The following CMBL variants were observed in gnomAD, a reference collection of about 807,000 sequenced individuals.
CMBL encodes carboxymethylenebutenolidase homolog, also known as carboxymethylenebutenolidase homolog (Pseudomonas).
CMBL carries 17 observed loss-of-function variants against 28.7 expected under a neutral mutation model. That is an observed-to-expected ratio of 0.59 (90% CI 0.41 to 0.89). The LOEUF (loss-of-function observed/expected upper bound fraction) is 0.89, where lower values mean the gene tolerates loss of function less well. CMBL is among the 40% of genes least tolerant of loss of function. The probability of loss-of-function intolerance (pLI) is 0.00; values close to 1 mark genes in which losing one functional copy is unlikely to be tolerated. For synonymous variants in CMBL, 106 were observed against 101.6 expected, an observed-to-expected ratio of 1.04 and a Z score of -0.26; for missense variants, 310 against 298.5, an observed-to-expected ratio of 1.04 and a Z score of -0.28.
intron 1 of CMBL, among the ~76,000 whole-genome samples, chr5:10,294,773 T>C (rs1401004973): frequency 6.6e-6 from 1 of 152,180 alleles, no homozygotes; most frequent in African/African-American, 2.4e-5. Context: ...TGACAGATTG[T>C]ATCTGTGGGG....
chr5:10,293,086 C>T lies in CMBL; in HGVS notation c.-19-2305G>A, dbSNP rs575053297. 3.3e-5 allele frequency among the ~76,000 whole-genome samples: 5 copies of T among 152,306 alleles called. No homozygotes were observed. The East Asian group carries it at 9.6e-4, about 29-fold the overall frequency. Reference sequence around the variant, plus strand: ...TTACCATGTTACCATGAAAACACTACATAGCAAAACTTGATACAATCAATA... The same window carrying T: ...TTACCATGTTACCATGAAAACACTATATAGCAAAACTTGATACAATCAATA... On this transcript the variant is annotated intron_variant, in intron 1 of 5. Transcript: ENST00000296658.
In CMBL at chr5:10,290,710, T is replaced by C; in HGVS notation, c.53A>G (p.Tyr18Cys). The C allele has an allele frequency of 6.2e-7, 1 of 1,614,194 alleles. No homozygotes were observed. The highest frequency in any genetic ancestry group is 8.5e-7 in the Non-Finnish European group (1 of 1,180,026). ...CPCDIGHRLEYGGLGREVQVE... is the reference protein window; with the variant it reads ...CPCDIGHRLECGGLGREVQVE... ...TTGAACTTCACGGCCTAGCCCTCCA[T>C]ACTCAAGTCTGTGGCCAATGTCACA... is the stretch of plus-strand genomic sequence containing the variant. The change falls in exon 2 of 6, where the codon TAT becomes TGT. Residue 18 changes from tyrosine to cysteine, a missense_variant. Coordinates refer to ENST00000296658, the MANE Select transcript of CMBL (RefSeq NM_138809.4).
intron 1 of CMBL, among the ~76,000 whole-genome samples, chr5:10,300,629 G>A (rs1321880136): frequency 6.6e-6 from 1 of 151,544 alleles, no homozygotes; most frequent in Admixed American, 6.6e-5. Context: ...GGGAGACCCC[G>A]TCTCTACAAA....
chr5:10,286,355 A>G lies in CMBL; in HGVS notation c.465T>C (p.Tyr155=), dbSNP rs1348273543. The G allele has an allele frequency of 6.2e-7, 1 of 1,613,732 alleles. No individual in the cohort carries two copies. Among genetic ancestry groups the G allele is most frequent in the South Asian group, 1.1e-5 (1 of 90,982 alleles). Residue 155 remains tyrosine, a splice_region_variant and synonymous_variant, in exon 4 of 6, where the codon TAT becomes TAC. Coordinates refer to ENST00000296658, the MANE Select transcript of CMBL (RefSeq NM_138809.4). ...TAAAAATGCACAAGGCAGATTTACC[A>G]TAGACGGACACCCCTGCCCTGAATT... ...YSEFRAGVSV[Y]GIVKDSEDIY... is the part of the protein sequence containing the mutation.
In CMBL at chr5:10,278,753, G is replaced by A. The variant is rs553513232; in HGVS notation, c.*1700C>T. Among the ~76,000 whole-genome samples, 2 of 152,082 alleles carry A rather than the reference G, an allele frequency of 1.3e-5. No homozygotes were observed. The highest frequency in any genetic ancestry group is 2.1e-4 in the South Asian group (1 of 4,826). On this transcript the variant is annotated 3_prime_UTR_variant, in exon 6 of 6. Coordinates refer to ENST00000296658, the MANE Select transcript of CMBL (RefSeq NM_138809.4). ...CCCATCCTAACTTCTTTCCCGGTCAGGGCTCTCCGGGAGAGTGGCTGTCTC... is the reference window on the plus strand; with the variant it reads ...CCCATCCTAACTTCTTTCCCGGTCAAGGCTCTCCGGGAGAGTGGCTGTCTC...
At position 10,288,493 on chromosome 5, in the gene CMBL, A is replaced by T; in HGVS notation, c.252T>A (p.Pro84=). ...TAGACCAGTCGCCAGAGGGGTCCCA[A>T]GGCTCTTGCCCTACAAAGAAGTCTG... The part of the protein sequence containing the change: ...IVPDFFVGQE[P]WDPSGDWSIF... Residue 84 remains proline (P), a synonymous_variant, in exon 3 of 6, where the codon CCT becomes CCA. Coordinates refer to ENST00000296658, the MANE Select transcript of CMBL (RefSeq NM_138809.4). The T allele has an allele frequency of 1.9e-6, 3 of 1,614,018 alleles. No homozygotes were observed. The highest frequency in any genetic ancestry group is 2.5e-6 in the Non-Finnish European group (3 of 1,179,892).
intron 3 of CMBL, among the ~76,000 whole-genome samples, chr5:10,288,089 G>A (rs1402827721): frequency 6.8e-6 from 1 of 146,174 alleles, no homozygotes; most frequent in Non-Finnish European, 1.5e-5. Context: ...CCAACATGGT[G>A]AAACCCCGTC....
chr5:10,287,053 G>A (rs1359377902), intron 3 of CMBL, among the ~76,000 whole-genome samples: 1 of 152,180 alleles, frequency 6.6e-6, no homozygotes, highest in Non-Finnish European at 1.5e-5. Context: ...AATTTGGAAC[G>A]CCATCAGGAC....
rs1206499447 is a variant in CMBL, at chr5:10,280,416, T to A, written c.*37A>T. 2.0e-6 allele frequency: 3 copies of A among 1,489,270 alleles called. No homozygotes were observed. Among genetic ancestry groups the A allele is most frequent in the South Asian group, 2.7e-5 (2 of 73,164 alleles). The allele number at this position is 1,489,270 out of a possible 1,614,324, so 92.3% of individuals were successfully genotyped here. On this transcript the variant is annotated 3_prime_UTR_variant, in exon 6 of 6. Coordinates refer to ENST00000296658, the MANE Select transcript of CMBL (RefSeq NM_138809.4). The stretch of plus-strand genomic sequence containing the variant: ...AACTATTTCCAAGCAAATTTTGGGA[T>A]GAAAGCTATTCTAGGAAGGCTTGCC...
At chr5:10,306,445 G>A (rs1476196871) in intron 1 of CMBL, among the ~76,000 whole-genome samples, 2 of 152,168 alleles carry the variant, frequency 1.3e-5, no homozygotes, top group South Asian at 2.1e-4. Context: ...GGAGGGAGGC[G>A]CAGCGGGGAG....
In CMBL at chr5:10,303,245, A is replaced by G. The variant is rs186095236; in HGVS notation, c.-20+4380T>C. Among the ~76,000 whole-genome samples, 23 of 152,302 alleles carry G rather than the reference A, an allele frequency of 1.5e-4. No homozygotes were observed. The East Asian group carries it at 4.0e-3, about 27-fold the overall frequency. On this transcript the variant is annotated intron_variant, in intron 1 of 5. Coordinates refer to ENST00000296658, the MANE Select transcript of CMBL (RefSeq NM_138809.4). ...CAGACTGAACCAATGTATACCTCAC[A>G]TGTATTGATCGAGTTCCTATGTCTC...
rs1746478047 is a variant in CMBL at position 10,280,419 on chromosome 5, A to G, written c.*34T>C. Reference sequence around the variant, plus strand: ...TATTTCCAAGCAAATTTTGGGATGAAAGCTATTCTAGGAAGGCTTGCCCTT... The same window carrying G: ...TATTTCCAAGCAAATTTTGGGATGAGAGCTATTCTAGGAAGGCTTGCCCTT... On this transcript the variant is annotated 3_prime_UTR_variant, in exon 6 of 6. Coordinates refer to ENST00000296658, the MANE Select transcript of CMBL (RefSeq NM_138809.4). The G allele has an allele frequency of 3.3e-6, 5 of 1,501,012 alleles. No individual in the cohort carries two copies. The South Asian group carries it at 5.4e-5, about 16-fold the overall frequency. 93.0% of individuals were successfully genotyped at this position (1,501,012 alleles called of 1,614,324 possible). A position where few individuals can be genotyped will look rare whatever the true frequency, so the allele number is the denominator to read the frequency against.
At chr5:10,285,793 G>C (rs1746590096) in intron 4 of CMBL, among the ~76,000 whole-genome samples, 1 of 149,160 alleles carries the variant, frequency 6.7e-6, no homozygotes, top group Admixed American at 6.7e-5. Flanking sequence ...GACCTTCTTG[G>C]GCTCAAGCGA....
Position 10,278,680 on chromosome 5 carries a change from T to TAGAAC in CMBL, c.*1772_*1773insGTTCT, listed in dbSNP as rs1271614948. Among the ~76,000 whole-genome samples, 1 of 152,118 alleles carries TAGAAC rather than the reference T, an allele frequency of 6.6e-6. No homozygotes were observed. Among genetic ancestry groups the TAGAAC allele is most frequent in the Non-Finnish European group, 1.5e-5 (1 of 68,032 alleles). ...CTCTGTTCTCTGGATCTGTAAGCAA[T>TAGAAC]AAACTGCTTCTGTCATTTCTTGGGT... On this transcript the variant is annotated 3_prime_UTR_variant, in exon 6 of 6. Transcript: ENST00000296658.
At chr5:10,284,168 C>A (rs1746553613) in intron 4 of CMBL, among the ~76,000 whole-genome samples, 1 of 152,216 alleles carries the variant, frequency 6.6e-6, no homozygotes, top group African/African-American at 2.4e-5. Flanking sequence ...CACTACACAA[C>A]AGCGGCCAGA....
chr5:10,294,397 C>CA (rs879449772), intron 1 of CMBL, among the ~76,000 whole-genome samples: 16 of 150,544 alleles, frequency 1.1e-4, no homozygotes, highest in East Asian at 3.9e-4. Flanking sequence ...CCCATATCTG[C>CA]AAAAAAAAAT....
intron 3 of CMBL, among the ~76,000 whole-genome samples, chr5:10,287,505 T>G (rs1746626328): frequency 1.4e-5 from 2 of 143,938 alleles, no homozygotes; most frequent in Non-Finnish European, 1.5e-5. Flanking sequence ...GGTGGGAGGG[T>G]GTGAGGGCCA....
At chr5:10,288,816 G>T (rs759598518) in intron 2 of CMBL, among the ~76,000 whole-genome samples, 1 of 152,186 alleles carries the variant, frequency 6.6e-6, no homozygotes, top group Non-Finnish European at 1.5e-5. Context: ...GGCTGGCATG[G>T]GATGTGGAGG....
chr5:10,302,924 G>C (rs987802976), intron 1 of CMBL, among the ~76,000 whole-genome samples: 1 of 152,106 alleles, frequency 6.6e-6, no homozygotes, highest in African/African-American at 2.4e-5. Context: ...GTCTCTTTCT[G>C]ATCCTGAAAA....
Sources: gnomAD v4.1 joint callset for allele counts (sites outside exome capture counted in the v4.1 genomes callset) on GRCh38, gnomAD v4.1.1 for gene constraint, MANE v1.5 for transcripts, NCBI Gene and HGNC (gene_info 2026-07-23, HGNC 2026-07-21) for gene names.